RMST: variants seen among roughly 807,000 people sequenced by gnomAD.
The protein encoded by RMST is rhabdomyosarcoma 2 associated transcript.
At chr12:97,491,624 G>T (rs1330359184) in intron 5 of RMST, 2 of 213,630 alleles carry the variant, frequency 9.4e-6, no homozygotes, top group African/African-American at 4.4e-5. Context: ...TTAAAATTGT[G>T]CCACCATTGT....
intron 5 of RMST, among the ~76,000 whole-genome samples, chr12:97,481,260 C>T (rs1207083329): frequency 6.6e-6 from 1 of 152,020 alleles, no homozygotes; most frequent in Admixed American, 6.6e-5. Flanking sequence ...ATATTTTACT[C>T]CAAAAAGAGG....
At chr12:97,562,062 T>C (rs1379042582) in intron 13 of RMST, among the ~76,000 whole-genome samples, 1 of 152,110 alleles carries the variant, frequency 6.6e-6, no homozygotes, top group Non-Finnish European at 1.5e-5. Flanking sequence ...TCCCAAGTTC[T>C]CTCCTGAGTC....
At chr12:97,534,535 A>G (rs1176347392) in intron 11 of RMST, among the ~76,000 whole-genome samples, 2 of 151,766 alleles carry the variant, frequency 1.3e-5, no homozygotes, top group Non-Finnish European at 2.9e-5. Flanking sequence ...AGAGAAAATC[A>G]TGGGTTTGGA....
chr12:97,475,688 T>C (rs942638741), intron 5 of RMST, among the ~76,000 whole-genome samples: 1 of 151,426 alleles, frequency 6.6e-6, no homozygotes, highest in Non-Finnish European at 1.5e-5. Flanking sequence ...TATACAGAGG[T>C]TTAGAGAGGT....
At chr12:97,507,985 G>A (rs894314788) in intron 10 of RMST, among the ~76,000 whole-genome samples, 1 of 152,178 alleles carries the variant, frequency 6.6e-6, no homozygotes, top group African/African-American at 2.4e-5. Context: ...AAATGGTCTT[G>A]AGCAGAAGAA....
At chr12:97,503,486 T>TA (rs1006379618) in intron 10 of RMST, among the ~76,000 whole-genome samples, 9 of 150,372 alleles carry the variant, frequency 6.0e-5, no homozygotes, top group Admixed American at 4.6e-4. Flanking sequence ...GGATGCTTAT[T>TA]AAAAAAAAAT....
chr12:97,548,951 A>G (rs547876002), intron 11 of RMST, among the ~76,000 whole-genome samples: 113 of 152,302 alleles, frequency 7.4e-4, no homozygotes, highest in African/African-American at 2.5e-3. Context: ...CTTGCAATAG[A>G]TATTTTTTCA....
intron 11 of RMST, among the ~76,000 whole-genome samples, chr12:97,535,435 C>T (rs146500530): frequency 2.6e-5 from 4 of 151,716 alleles, no homozygotes; most frequent in African/African-American, 9.7e-5. Flanking sequence ...CCATCATTGA[C>T]TAACCTTTAT....
intron 5 of RMST, among the ~76,000 whole-genome samples, chr12:97,477,187 C>A (rs912813271): frequency 1.3e-5 from 2 of 152,022 alleles, no homozygotes; most frequent in Non-Finnish European, 2.9e-5. Context: ...GAGTCAGGTG[C>A]CCACATGCGC....
At chr12:97,507,576 G>C in intron 10 of RMST, among the ~76,000 whole-genome samples, 1 of 152,182 alleles carries the variant, frequency 6.6e-6, no homozygotes, top group East Asian at 1.9e-4. Context: ...GTGGATGGTC[G>C]TGCCACTATG....
At chr12:97,507,285 T>A (rs570346371) in intron 10 of RMST, among the ~76,000 whole-genome samples, 17 of 150,406 alleles carry the variant, frequency 1.1e-4, no homozygotes, top group South Asian at 6.3e-4. Context: ...TCTTTTTTTT[T>A]TTAAAAAAAA....
At chr12:97,467,595 T>C (rs1873352458) in intron 5 of RMST, among the ~76,000 whole-genome samples, 1 of 152,016 alleles carries the variant, frequency 6.6e-6, no homozygotes, top group Admixed American at 6.6e-5. Flanking sequence ...TCTCCTGATA[T>C]GTTTACTACA....
chr12:97,482,734 T>TAAA (rs1489031634), intron 5 of RMST, among the ~76,000 whole-genome samples: 2 of 77,444 alleles, frequency 2.6e-5, no homozygotes, highest in African/African-American at 1.0e-4. Flanking sequence ...ATTAAATAAA[T>TAAA]TTATATTATT....
At chr12:97,548,571 C>A (rs1232621354) in intron 11 of RMST, among the ~76,000 whole-genome samples, 2 of 151,812 alleles carry the variant, frequency 1.3e-5, no homozygotes, top group African/African-American at 4.8e-5. Flanking sequence ...AGGTTTTTCA[C>A]CTCCTTGGTT....
At chr12:97,497,642 A>G (rs1877591744) in intron 10 of RMST, among the ~76,000 whole-genome samples, 1 of 151,260 alleles carries the variant, frequency 6.6e-6, no homozygotes, top group African/African-American at 2.4e-5. Context: ...ATAGTCATGA[A>G]TGAAGATACG....
At chr12:97,550,000 C>G (rs1470727391) in intron 11 of RMST, among the ~76,000 whole-genome samples, 1 of 152,156 alleles carries the variant, frequency 6.6e-6, no homozygotes, top group African/African-American at 2.4e-5. Flanking sequence ...GAGGCCACAA[C>G]ATACAATGTT....
intron 10 of RMST, among the ~76,000 whole-genome samples, chr12:97,511,518 C>T (rs913763542): frequency 1.3e-5 from 2 of 152,046 alleles, no homozygotes; most frequent in South Asian, 4.1e-4. Flanking sequence ...TTCATATTCT[C>T]TTTCAATTTT....
chr12:97,479,784 G>A (rs1326432100), intron 5 of RMST, among the ~76,000 whole-genome samples: 2 of 152,074 alleles, frequency 1.3e-5, no homozygotes, highest in South Asian at 4.2e-4. Flanking sequence ...ATGGTTTGTA[G>A]CTACTCAGAC....
intron 5 of RMST, among the ~76,000 whole-genome samples, chr12:97,483,819 T>C (rs1296449495): frequency 6.6e-6 from 1 of 152,202 alleles, no homozygotes; most frequent in Non-Finnish European, 1.5e-5. Flanking sequence ...TGTGTGTATG[T>C]AAAGCCCAAG....
Sources: gnomAD v4.1 joint callset for allele counts (sites outside exome capture counted in the v4.1 genomes callset) on GRCh38, gnomAD v4.1.1 for gene constraint, MANE v1.5 for transcripts, NCBI Gene and HGNC (gene_info 2026-07-23, HGNC 2026-07-21) for gene names.